The following GATA3 variants were observed in gnomAD, a reference collection of about 807,000 sequenced individuals.
The protein encoded by GATA3 is trans-acting T-cell-specific transcription factor GATA-3.
In GATA3, 6 loss-of-function variants were observed where a neutral mutation model predicts 36.0. The ratio of observed to expected loss-of-function variants is 0.17; its 90% CI spans 0.09 to 0.33. The LOEUF (loss-of-function observed/expected upper bound fraction) is 0.33. Ranked by LOEUF, GATA3 falls within the 10% of genes least tolerant of loss-of-function variation. The pLI, the probability that GATA3 is intolerant of heterozygous loss-of-function variation, is 1.00. For synonymous variants in GATA3, 326 were observed against 273.0 expected (o/e 1.19, Z -1.92); for missense variants, 514 against 610.1 (o/e 0.84, Z 1.66).
At chr10:8,051,041 T>G (rs779660150), upstream of GATA3, 12 of 525,476 alleles carry the variant, frequency 2.3e-5, no homozygotes, top group Admixed American at 5.9e-5. Context: ...TCTGTAGCCC[T>G]AGGGCTGAGC....
At chr10:8,068,707 C>T (rs570496946) in intron 4 of GATA3, among the ~76,000 whole-genome samples, 6 of 152,260 alleles carry the variant, frequency 3.9e-5, no homozygotes, top group South Asian at 2.1e-4. Context: ...GAGCTGAGAT[C>T]GCACCACTGC....
At position 8,074,061 on chromosome 10, in the gene GATA3, C is replaced by T. The variant is rs1832976502; in HGVS notation, c.*38C>T. 2 of 1,604,288 alleles carry T rather than the reference C, an allele frequency of 1.2e-6. No homozygotes were observed. The highest frequency in any genetic ancestry group is 2.7e-5 in the African/African-American group (2 of 74,672). On this transcript the variant is annotated 3_prime_UTR_variant, in exon 6 of 6. Transcript: ENST00000379328. ...TGCTCACAGGGCCCCCAGCGAGAGT[C>T]CCTGCAGTCCCTTTCGACTTGCATT... is the stretch of plus-strand genomic sequence containing the variant.
chr10:8,067,620 C>A (rs10905281), intron 4 of GATA3, among the ~76,000 whole-genome samples: 22,918 of 152,072 alleles, frequency 0.15, 1,965 homozygotes, highest in East Asian at 0.24. Flanking sequence ...AGATAGAGAC[C>A]ATCCTGGCTA....
chr10:8,067,600 T>C (rs76741730), intron 4 of GATA3, among the ~76,000 whole-genome samples: 6 of 152,066 alleles, frequency 3.9e-5, no homozygotes, highest in Non-Finnish European at 5.9e-5. Context: ...GGGTAGATCA[T>C]GAGGTCAGGA....
upstream of GATA3, among the ~76,000 whole-genome samples, chr10:8,049,640 G>A (rs1832437773): frequency 6.6e-6 from 1 of 152,144 alleles, no homozygotes; most frequent in South Asian, 2.1e-4. Flanking sequence ...CCCGGCAGCC[G>A]GCGAGCTGTT....
At chr10:8,058,937 G>A in intron 3 of GATA3, 96 bp downstream of exon 3, 1 of 1,200,918 alleles carries the variant, frequency 8.3e-7, no homozygotes, top group South Asian at 1.3e-5. Context: ...GGGGAGCCGG[G>A]GTGTCCCAAA....
chr10:8,064,311 CTTTTT>C (rs59943653), intron 4 of GATA3, among the ~76,000 whole-genome samples, 173 bp downstream of exon 4: 11 of 51,426 alleles, frequency 2.1e-4, no homozygotes, highest in Non-Finnish European at 3.8e-4. Flanking sequence ...TCTTCTTCTT[CTTTTT>C]TTTTTTTTTT....
Position 8,055,501 on chromosome 10 carries a change from G to T in GATA3, c.-155G>T. ...AAAACCTTCTCCTTTGCTCACCTTT[G>T]CTTCCCAGCCTTCCCATCCCCCCAC... On this transcript the variant is annotated 5_prime_UTR_variant, in exon 2 of 6. Transcript: ENST00000379328. The surrounding 1 kb of genome is among the most constrained non-coding windows in gnomAD (Gnocchi z 5.4). 2 of 811,832 alleles carry T rather than the reference G, an allele frequency of 2.5e-6. No individual in the cohort carries two copies. Among genetic ancestry groups the T allele is most frequent in the Non-Finnish European group, 3.8e-6 (2 of 521,646 alleles). The allele number at this position is 811,832 out of a possible 1,614,324, so 50.3% of individuals were successfully genotyped here.
At chr10:8,047,113 A>G (rs2131463599) in intron 1 of GATA3, among the ~76,000 whole-genome samples, 1 of 152,278 alleles carries the variant, frequency 6.6e-6, no homozygotes, top group Middle Eastern at 3.4e-3. Context: ...GGGGACAGTC[A>G]GGGGCGCAGA....
chr10:8,071,194 A>G (rs1362632243), intron 5 of GATA3, among the ~76,000 whole-genome samples: 1 of 152,186 alleles, frequency 6.6e-6, no homozygotes, highest in African/African-American at 2.4e-5. Context: ...GGGAGTTATG[A>G]CTCAGAAAAG....
At chr10:8,062,276 G>T (rs868173409) in intron 3 of GATA3, among the ~76,000 whole-genome samples, 2 of 151,828 alleles carry the variant, frequency 1.3e-5, no homozygotes, top group East Asian at 1.9e-4. Flanking sequence ...CAGGGGTTCT[G>T]GGGCACAGCA....
upstream of GATA3, among the ~76,000 whole-genome samples, chr10:8,049,547 C>T (rs1217556296): frequency 6.6e-6 from 1 of 152,154 alleles, no homozygotes; most frequent in Non-Finnish European, 1.5e-5. Flanking sequence ...GGCGCCCTGC[C>T]GCAGCGGGCT....
chr10:8,046,148 G>C (rs570022083), intron 1 of GATA3, among the ~76,000 whole-genome samples: 4 of 152,182 alleles, frequency 2.6e-5, no homozygotes, highest in Non-Finnish European at 5.9e-5. Flanking sequence ...GAAGCGGAAG[G>C]GGCAGAGAGG....
chr10:8,065,133 T>C (rs982653818), intron 4 of GATA3, among the ~76,000 whole-genome samples: 15 of 152,274 alleles, frequency 9.9e-5, no homozygotes, highest in African/African-American at 3.4e-4. Flanking sequence ...CATCCATCAA[T>C]TTCTAAGGAA....
chr10:8,062,829 C>T (rs2131498384), intron 3 of GATA3, among the ~76,000 whole-genome samples: 1 of 152,316 alleles, frequency 6.6e-6, no homozygotes, highest in African/African-American at 2.4e-5. Flanking sequence ...TTTCTCTGGG[C>T]ACCCAGAGAA....
intron 2 of GATA3, among the ~76,000 whole-genome samples, chr10:8,056,557 CT>C: frequency 6.6e-6 from 1 of 152,286 alleles, no homozygotes; most frequent in Non-Finnish European, 1.5e-5. Flanking sequence ...GGGAAGACCC[CT>C]GTCTTAAGTT....
intron 5 of GATA3, among the ~76,000 whole-genome samples, chr10:8,070,805 C>T (rs893272627): frequency 1.7e-4 from 26 of 152,190 alleles, no homozygotes; most frequent in African/African-American, 6.0e-4. Context: ...CCAACTCTCT[C>T]GCTGTGGCCC....
chr10:8,058,261 C>T (rs775480012), intron 2 of GATA3, 44 bp from the exon 3 acceptor site: 6 of 1,606,354 alleles, frequency 3.7e-6, no homozygotes, highest in Admixed American at 3.3e-5. Context: ...CAGGGCCACA[C>T]TCACCCTCCT....
intron 4 of GATA3, among the ~76,000 whole-genome samples, chr10:8,068,266 A>G (rs1832877916): frequency 6.6e-6 from 1 of 152,092 alleles, no homozygotes; most frequent in Non-Finnish European, 1.5e-5. Context: ...CAACTATGCT[A>G]CTCCATGAAC....
Sources: allele counts gnomAD v4.1 joint callset (sites outside exome capture counted in the v4.1 genomes callset), GRCh38; gene constraint gnomAD v4.1.1; non-coding constraint Gnocchi (gnomAD v3.1); transcripts MANE v1.5; gene names NCBI Gene and HGNC (gene_info 2026-07-23, HGNC 2026-07-21).